The following ZNF831 variants were observed in gnomAD, a reference collection of about 807,000 sequenced individuals.
ZNF831 encodes the protein chromosome 20 open reading frame 174.
In ZNF831, 59 loss-of-function variants were observed where a neutral mutation model predicts 95.8. The observed-to-expected ratio is 0.62, with a 90% CI of 0.50 to 0.77. The LOEUF is 0.77. Ranked by LOEUF, ZNF831 falls within the 30% of genes least tolerant of loss-of-function variation. The pLI is 0.00. For missense variants in ZNF831, 2,205 were observed against 2,164.0 expected (o/e 1.02, Z -0.38); for synonymous variants, 961 against 925.5 (o/e 1.04, Z -0.70).
chr20:59,220,649 T>G (rs1327205245), intron 4 of ZNF831, among the ~76,000 whole-genome samples: 1 of 152,144 alleles, frequency 6.6e-6, no homozygotes, highest in Non-Finnish European at 1.5e-5. Context: ...AGAAAGAGGT[T>G]AGGTCTCAAC....
At chr20:59,130,116 G>A (rs949767804) in intron 1 of ZNF831, among the ~76,000 whole-genome samples, 13 of 152,146 alleles carry the variant, frequency 8.5e-5, no homozygotes, top group Admixed American at 2.0e-4. Context: ...CAGCCTTGAC[G>A]ATGGGATTCA....
chr20:59,259,040 G>A lies in ZNF831; in HGVS notation c.*4297G>A, dbSNP rs992762920. On this transcript the variant is annotated 3_prime_UTR_variant, in exon 6 of 6. Coordinates refer to ENST00000371030, the MANE Select transcript of ZNF831 (RefSeq NM_178457.3). ...AATCAGGGAAATGATTGGCTTCTTG[G>A]TTGTTTGTTGAACTTTCTTTCTTTA... The A allele has an allele frequency of 2.6e-5, 4 of 152,112 alleles. No homozygotes were observed. The highest frequency in any genetic ancestry group is 5.9e-5 in the Non-Finnish European group (4 of 68,016). The allele number at this position is 152,112 out of a possible 1,614,324, so 9.4% of individuals were successfully genotyped here.
At position 59,192,237 on chromosome 20, in the gene ZNF831, G is replaced by T. The variant is rs1407822808; in HGVS notation, c.1218G>T (p.Glu406Asp). 1.3e-6 allele frequency: 2 copies of T among 1,594,382 alleles called. No homozygotes were observed. Among genetic ancestry groups the T allele is most frequent in the South Asian group, 2.3e-5 (2 of 88,530 alleles). ...AGCTGGAGAAGAAGCGGCTGGAGGA[G>T]CGCATCGCCCAGCTCATCTCCCACA... ...GLELEKKRLE[E>D]RIAQLISHNQ... The change falls in exon 2 of 6, where the codon GAG (glutamate) becomes GAT (aspartate). Residue 406 changes from glutamate to aspartate, a missense_variant. Transcript: ENST00000371030. This position sits in a 1 kb window ranked among gnomAD's most constrained non-coding sequence, Gnocchi z 5.2.
intron 4 of ZNF831, among the ~76,000 whole-genome samples, chr20:59,236,661 G>A (rs1344577012): frequency 1.3e-5 from 2 of 149,864 alleles, no homozygotes; most frequent in Non-Finnish European, 3.0e-5. Flanking sequence ...TGCTGGGATT[G>A]CAGGCATGAA....
chr20:59,232,994 G>GCGCA lies in ZNF831; in HGVS notation c.4028-19983_4028-19982insGCAC, dbSNP rs1491469214. Among the ~76,000 whole-genome samples the GCGCA allele has an allele frequency of 2.5e-3, 309 of 123,082 alleles. 1 individual carries two copies. The highest frequency in any genetic ancestry group is 8.2e-3 in the African/African-American group (263 of 32,238). 80.7% of individuals were successfully genotyped at this position (123,082 alleles called of 152,430 possible). ...TCATTTTATAGGTGAGGACCCTGAG[G>GCGCA]CACACACACACACACACACACACAC... On this transcript the variant is annotated intron_variant, in intron 4 of 5. Transcript: ENST00000371030.
chr20:59,178,622 C>T (rs1982357286), intron 1 of ZNF831, among the ~76,000 whole-genome samples: 1 of 152,220 alleles, frequency 6.6e-6, no homozygotes, highest in Non-Finnish European at 1.5e-5. Context: ...ATTAATAACT[C>T]ACTCTACAAC....
chr20:59,170,107 T>C (rs1334514153), intron 1 of ZNF831, among the ~76,000 whole-genome samples: 1 of 152,110 alleles, frequency 6.6e-6, no homozygotes, highest in Admixed American at 6.6e-5. Context: ...CCTCCCTCTT[T>C]TTCTTTTTCT....
At chr20:59,237,878 G>A (rs1012743139) in intron 4 of ZNF831, among the ~76,000 whole-genome samples, 2 of 152,124 alleles carry the variant, frequency 1.3e-5, no homozygotes, top group African/African-American at 4.8e-5. Context: ...GTCTAAGCTC[G>A]GCCAGCCCCT....
chr20:59,163,716 T>C (rs891699683), upstream of ZNF831, among the ~76,000 whole-genome samples: 3 of 148,592 alleles, frequency 2.0e-5, no homozygotes, highest in African/African-American at 7.3e-5. Flanking sequence ...GGTGGCTCTT[T>C]TTTTTTTTTT....
chr20:59,244,895 A>G (rs999739524), intron 4 of ZNF831, among the ~76,000 whole-genome samples: 7 of 152,144 alleles, frequency 4.6e-5, no homozygotes, highest in South Asian at 2.1e-4. Context: ...GTTGATGCCT[A>G]TTGTTTTTCC....
intron 1 of ZNF831, among the ~76,000 whole-genome samples, chr20:59,126,046 C>T (rs6070730): frequency 6.6e-6 from 1 of 152,172 alleles, no homozygotes; most frequent in Non-Finnish European, 1.5e-5. Context: ...TTGAGTGTCC[C>T]TTATGCAAAC....
rs1409339827 is a variant in ZNF831, at chr20:59,194,640, G to C, written c.3621G>C (p.Leu1207Phe). The C allele has an allele frequency of 1.2e-5, 20 of 1,613,618 alleles. No individual in the cohort carries two copies. Among genetic ancestry groups the C allele is most frequent in the Non-Finnish European group, 1.5e-5 (18 of 1,179,878 alleles). The change falls in exon 2 of 6, where the codon TTG (leucine) becomes TTC (phenylalanine). Residue 1207 changes from leucine (L) to phenylalanine (F), a missense_variant. By Grantham distance (22) the Leu-to-Phe change is conservative. Transcript: ENST00000371030. ...EQKAKAASVY[L>F]AVHFPGSSLR... ...AGGCAAAGGCGGCATCTGTGTACTT[G>C]GCGGTGCACTTTCCTGGTAGCAGCC...
At chr20:59,236,033 G>A (rs1017896925) in intron 4 of ZNF831, among the ~76,000 whole-genome samples, 5 of 152,218 alleles carry the variant, frequency 3.3e-5, no homozygotes, top group Non-Finnish European at 5.9e-5. Context: ...AGGAAGGATA[G>A]AGGATACCAA....
At chr20:59,145,725 G>A (rs1305752387) in intron 1 of ZNF831, among the ~76,000 whole-genome samples, 1 of 152,232 alleles carries the variant, frequency 6.6e-6, no homozygotes, top group South Asian at 2.1e-4. Context: ...CCCTGGAGGA[G>A]AGAAAATCCT....
At chr20:59,158,426 T>G (rs1318127227) in intron 2 of ZNF831, among the ~76,000 whole-genome samples, 4 of 151,904 alleles carry the variant, frequency 2.6e-5, no homozygotes, top group Admixed American at 2.6e-4. Flanking sequence ...TCAGCAGAGG[T>G]GAGGGGAGGA....
chr20:59,210,428 G>A (rs901545015), intron 4 of ZNF831, among the ~76,000 whole-genome samples: 1 of 152,170 alleles, frequency 6.6e-6, no homozygotes, highest in Non-Finnish European at 1.5e-5. Flanking sequence ...AAATCCGTCT[G>A]TGGCCTGACT....
chr20:59,199,517 C>A (rs1438864121), intron 3 of ZNF831, among the ~76,000 whole-genome samples: 5 of 152,016 alleles, frequency 3.3e-5, no homozygotes, highest in Admixed American at 2.6e-4. Context: ...TTAAGGTCAA[C>A]ATTGTGTTTT....
At chr20:59,205,415 C>T (rs539647483) in intron 3 of ZNF831, among the ~76,000 whole-genome samples, 1 of 152,212 alleles carries the variant, frequency 6.6e-6, no homozygotes, top group African/African-American at 2.4e-5. Context: ...CTCCCCTCCC[C>T]CCAGCCGGGG....
chr20:59,178,949 C>G (rs147319579), intron 1 of ZNF831, among the ~76,000 whole-genome samples: 3 of 152,214 alleles, frequency 2.0e-5, no homozygotes, highest in Non-Finnish European at 4.4e-5. Flanking sequence ...ATCAAATAAA[C>G]ACCCAGTCTC....
Sources: gnomAD v4.1 joint callset for allele counts (sites outside exome capture counted in the v4.1 genomes callset) on GRCh38, gnomAD v4.1.1 for gene constraint, Gnocchi (gnomAD v3.1) non-coding constraint, MANE v1.5 for transcripts, NCBI Gene and HGNC (gene_info 2026-07-23, HGNC 2026-07-21) for gene names.